The following DAAM1 variants were observed in gnomAD, a reference collection of about 807,000 sequenced individuals.
DAAM1 encodes the protein disheveled-associated activator of morphogenesis 1.
A neutral mutation model predicts 130.0 loss-of-function variants in DAAM1; 52 were observed. The ratio of observed to expected loss-of-function variants is 0.40; its 90% CI spans 0.32 to 0.50. The LOEUF is 0.50. DAAM1 is among the 20% of genes least tolerant of loss of function. The probability of loss-of-function intolerance (pLI) is 0.61; values close to 1 mark genes in which losing one functional copy is unlikely to be tolerated. For missense variants in DAAM1, 1,134 were observed against 1,303.8 expected, an observed-to-expected ratio of 0.87 and a Z score of 2.01; for synonymous variants, 452 against 444.5, an observed-to-expected ratio of 1.02 and a Z score of -0.21.
intron 1 of DAAM1, among the ~76,000 whole-genome samples, chr14:59,199,345 G>T (rs1018109228): frequency 6.6e-6 from 1 of 151,982 alleles, no homozygotes; most frequent in Non-Finnish European, 1.5e-5. Flanking sequence ...CAATCCTCCC[G>T]CCTCAGCCTC....
At chr14:59,230,119 T>C (rs1889057085) in intron 1 of DAAM1, among the ~76,000 whole-genome samples, 3 of 152,196 alleles carry the variant, frequency 2.0e-5, no homozygotes, top group Non-Finnish European at 4.4e-5. Context: ...CCGTCATTTC[T>C]CTTTGTGAAA....
In DAAM1 at chr14:59,267,024, A is replaced by T. The variant is rs1368319925; in HGVS notation, c.183+3364A>T. On this transcript the variant is annotated intron_variant, in intron 2 of 24. Coordinates refer to ENST00000360909, the MANE Select transcript of DAAM1 (RefSeq NM_001270520.2). ...ACCTAATAGATGATTTACACCCCAC[A>T]GACAAATACTGCAAGAGGGATGAGA... Among the ~76,000 whole-genome samples the T allele has an allele frequency of 1.3e-5, 2 of 152,246 alleles. 1 individual carries two copies.
At chr14:59,199,893 A>G (rs917320562) in intron 1 of DAAM1, among the ~76,000 whole-genome samples, 2 of 152,224 alleles carry the variant, frequency 1.3e-5, no homozygotes, top group Non-Finnish European at 2.9e-5. Context: ...GTCTCCAGAC[A>G]TTGCCAAATG....
chr14:59,262,333 T>C (rs1882203460), intron 1 of DAAM1, among the ~76,000 whole-genome samples: 1 of 152,216 alleles, frequency 6.6e-6, no homozygotes, highest in Non-Finnish European at 1.5e-5. Context: ...CTTCTTTGAC[T>C]TGGTTTTTTC....
intron 3 of DAAM1, among the ~76,000 whole-genome samples, chr14:59,311,161 C>T (rs1399474326): frequency 6.6e-6 from 1 of 152,126 alleles, no homozygotes; most frequent in Non-Finnish European, 1.5e-5. Flanking sequence ...TTTTGTCACA[C>T]AAATTTCTAA....
intron 1 of DAAM1, among the ~76,000 whole-genome samples, chr14:59,239,201 C>G (rs571934992): frequency 3.9e-5 from 6 of 152,286 alleles, no homozygotes; most frequent in African/African-American, 1.4e-4. Context: ...TACTATTATG[C>G]TGTTGTGAAA....
chr14:59,203,802 T>C (rs961599685), intron 1 of DAAM1, among the ~76,000 whole-genome samples: 15 of 152,234 alleles, frequency 9.9e-5, no homozygotes, highest in Non-Finnish European at 1.9e-4. Context: ...GCTTTCAGTG[T>C]GTTCATTTGA....
Position 59,319,647 on chromosome 14 carries a change from T to C in DAAM1, c.346-843T>C, listed in dbSNP as rs575280723. Reference sequence around the variant, plus strand: ...GATCCTGGAGTCATAAGACTTGGGGTACTTTAGTGCAACCAGGTGATCACA... The same window carrying C: ...GATCCTGGAGTCATAAGACTTGGGGCACTTTAGTGCAACCAGGTGATCACA... On this transcript the variant is annotated intron_variant, in intron 4 of 24. Coordinates refer to ENST00000360909, the MANE Select transcript of DAAM1 (RefSeq NM_001270520.2). 3.4e-4 allele frequency among the ~76,000 whole-genome samples: 52 copies of C among 152,152 alleles called. 1 individual carries two copies. Among genetic ancestry groups the C allele is most frequent in the South Asian group, 1.2e-3 (6 of 4,804 alleles).
At chr14:59,232,015 C>G (rs746439107) in intron 1 of DAAM1, among the ~76,000 whole-genome samples, 2 of 152,154 alleles carry the variant, frequency 1.3e-5, no homozygotes, top group African/African-American at 2.4e-5. Context: ...AGCCTGAGAG[C>G]TAGTACTATT....
intron 1 of DAAM1, among the ~76,000 whole-genome samples, chr14:59,248,258 G>A (rs1320327901): frequency 6.6e-6 from 1 of 152,158 alleles, no homozygotes; most frequent in Non-Finnish European, 1.5e-5. Flanking sequence ...AGGACATGTT[G>A]GGTAGTATCA....
chr14:59,327,259 T>G (rs974721823), intron 12 of DAAM1, among the ~76,000 whole-genome samples: 1 of 152,114 alleles, frequency 6.6e-6, no homozygotes, highest in Non-Finnish European at 1.5e-5. Flanking sequence ...ATTCCTTAAA[T>G]CAAATTTTCT....
intron 1 of DAAM1, among the ~76,000 whole-genome samples, chr14:59,190,334 T>C (rs1319798267): frequency 6.6e-6 from 1 of 152,112 alleles, no homozygotes; most frequent in East Asian, 1.9e-4. Flanking sequence ...AATTATAATT[T>C]GAAAAATCTC....
chr14:59,215,930 G>A (rs935876428), intron 1 of DAAM1, among the ~76,000 whole-genome samples: 2 of 152,106 alleles, frequency 1.3e-5, no homozygotes, highest in African/African-American at 2.4e-5. Flanking sequence ...CCTTTCTCAC[G>A]TTCCTCTCAT....
chr14:59,274,552 G>A (rs1298063347), intron 2 of DAAM1, among the ~76,000 whole-genome samples: 2 of 152,172 alleles, frequency 1.3e-5, no homozygotes, highest in African/African-American at 4.8e-5. Flanking sequence ...TGGGGGCCTA[G>A]GGCAGTGCTT....
chr14:59,218,347 G>A (rs1490185533), intron 1 of DAAM1, among the ~76,000 whole-genome samples: 3 of 152,158 alleles, frequency 2.0e-5, no homozygotes, highest in Non-Finnish European at 4.4e-5. Flanking sequence ...CAAAACAGAA[G>A]CTTTGCTTAG....
chr14:59,360,941 G>A (rs903334724), intron 22 of DAAM1, 79 bp downstream of exon 22: 1 of 1,270,234 alleles, frequency 7.9e-7, no homozygotes, highest in Non-Finnish European at 1.1e-6. Context: ...CAGATGGGTT[G>A]TGTTGGCATG....
In DAAM1 at chr14:59,203,606, G is replaced by A. The variant is rs117735911; in HGVS notation, c.-38+14838G>A. 8.2e-3 allele frequency among the ~76,000 whole-genome samples: 1,255 copies of A among 152,168 alleles called. 14 individuals carry two copies. The highest frequency in any genetic ancestry group is 0.011 in the Non-Finnish European group (722 of 68,002). ...ATGTGGTAATTCCTTAATATTTATG[G>A]ACCACTTGAGATATGAGAATCTTTG... On this transcript the variant is annotated intron_variant, in intron 1 of 24. Coordinates refer to ENST00000360909, the MANE Select transcript of DAAM1 (RefSeq NM_001270520.2).
At chr14:59,269,008 T>G (rs551798731) in intron 2 of DAAM1, among the ~76,000 whole-genome samples, 2 of 152,334 alleles carry the variant, frequency 1.3e-5, no homozygotes, top group East Asian at 3.9e-4. Flanking sequence ...CGATTTCCCT[T>G]GGAATGAACA....
chr14:59,189,399 G>A (rs1356930053), intron 1 of DAAM1, among the ~76,000 whole-genome samples: 1 of 152,240 alleles, frequency 6.6e-6, no homozygotes, highest in Non-Finnish European at 1.5e-5. Context: ...GAAATCGGGC[G>A]TTGCGGAGGG....
Sources: allele counts gnomAD v4.1 joint callset (sites outside exome capture counted in the v4.1 genomes callset), GRCh38; gene constraint gnomAD v4.1.1; transcripts MANE v1.5; gene names NCBI Gene and HGNC (gene_info 2026-07-23, HGNC 2026-07-21).